ARHGAP42: variants seen among roughly 807,000 people sequenced by gnomAD.
ARHGAP42 encodes the protein Rho GTPase activating protein 42, also known as rho GTPase-activating protein 42.
In ARHGAP42, 63 loss-of-function variants were observed where a neutral mutation model predicts 125.0. That is an observed-to-expected ratio of 0.50 (90% CI 0.41 to 0.62). ARHGAP42 has a LOEUF of 0.62. Ranked by LOEUF, ARHGAP42 falls within the 20% of genes least tolerant of loss-of-function variation. The pLI is 0.00. For synonymous variants in ARHGAP42, 339 were observed against 351.0 expected, an observed-to-expected ratio of 0.97 and a Z score of 0.38; for missense variants, 766 against 1,024.2, an observed-to-expected ratio of 0.75 and a Z score of 3.44.
At chr11:100,898,965 T>C (rs1346970386) in intron 4 of ARHGAP42, among the ~76,000 whole-genome samples, 1 of 152,228 alleles carries the variant, frequency 6.6e-6, no homozygotes, top group Non-Finnish European at 1.5e-5. Flanking sequence ...TCCTGCTTTG[T>C]CTTGTGGGCA....
chr11:100,984,255 T>G (rs1391155918), intron 22 of ARHGAP42, among the ~76,000 whole-genome samples: 1 of 152,120 alleles, frequency 6.6e-6, no homozygotes, highest in Non-Finnish European at 1.5e-5. Context: ...GTCTTACGCA[T>G]TAACATTGTT....
At chr11:100,693,278 G>T (rs1407724239) in intron 1 of ARHGAP42, among the ~76,000 whole-genome samples, 1 of 152,040 alleles carries the variant, frequency 6.6e-6, no homozygotes, top group African/African-American at 2.4e-5. Context: ...AGGTGTGGAG[G>T]TGTAATTACT....
chr11:100,924,615 C>T (rs1026997225), intron 6 of ARHGAP42, among the ~76,000 whole-genome samples: 2 of 151,720 alleles, frequency 1.3e-5, no homozygotes, highest in Non-Finnish European at 2.9e-5. Context: ...TGCAGTGATC[C>T]GAAATCGCGC....
intron 12 of ARHGAP42, among the ~76,000 whole-genome samples, chr11:100,951,387 CTGAA>C (rs2135285501): frequency 1.3e-5 from 2 of 152,162 alleles, no homozygotes; most frequent in East Asian, 3.9e-4. Context: ...TTTGTATGTA[CTGAA>C]TGTTCATTCT....
At chr11:100,725,867 G>A (rs897852289) in intron 1 of ARHGAP42, among the ~76,000 whole-genome samples, 7 of 150,314 alleles carry the variant, frequency 4.7e-5, no homozygotes, top group Admixed American at 4.7e-4. Flanking sequence ...CCCGGGAGGC[G>A]GAGCTTGCAA....
At chr11:100,688,513 T>C (rs1454712190) in intron 1 of ARHGAP42, among the ~76,000 whole-genome samples, 1 of 152,158 alleles carries the variant, frequency 6.6e-6, no homozygotes, top group African/African-American at 2.4e-5. Flanking sequence ...AAGACTGTTA[T>C]AGTCTATAAT....
chr11:100,890,061 C>T (rs1866182622), intron 4 of ARHGAP42, among the ~76,000 whole-genome samples: 1 of 152,150 alleles, frequency 6.6e-6, no homozygotes. Context: ...AAATAAGGCA[C>T]AAAATCTAAG....
intron 3 of ARHGAP42, among the ~76,000 whole-genome samples, chr11:100,821,568 A>G (rs1003556781): frequency 7.9e-5 from 12 of 151,116 alleles, no homozygotes; most frequent in Admixed American, 4.0e-4. Flanking sequence ...TGGGCAAGCT[A>G]TCTTCCTCCT....
At chr11:100,863,851 C>T (rs147002395) in intron 4 of ARHGAP42, among the ~76,000 whole-genome samples, 1 of 152,232 alleles carries the variant, frequency 6.6e-6, no homozygotes, top group Non-Finnish European at 1.5e-5. Flanking sequence ...TTCTAGAATA[C>T]TAGTGGAAAG....
Position 100,792,752 on chromosome 11 carries a change from CT to C in ARHGAP42, c.251-2335del, listed in dbSNP as rs3063409. Among the ~76,000 whole-genome samples, 58 of 141,598 alleles carry C rather than the reference CT, an allele frequency of 4.1e-4. 1 individual carries two copies. The Middle Eastern group carries it at 0.011, about 27-fold the overall frequency. 92.9% of individuals were successfully genotyped at this position (141,598 alleles called of 152,430 possible). ...GAATTAACAATTGACTTGGAATTTTCTTTTTTTTTTTTTTTTTTGAGACCGA... is the reference window on the plus strand; with the variant it reads ...GAATTAACAATTGACTTGGAATTTTCTTTTTTTTTTTTTTTTTGAGACCGA... On this transcript the variant is annotated intron_variant, in intron 2 of 23. Coordinates refer to ENST00000298815, the MANE Select transcript of ARHGAP42 (RefSeq NM_152432.4).
rs1555024757 is a variant in ARHGAP42, at chr11:100,921,214, C to CATAT, written c.487-251_487-248dup. On this transcript the variant is annotated intron_variant, in intron 5 of 23. Transcript: ENST00000298815. ...ATACCCCTCTTGTAATATATATATA[C>CATAT]ATATATATATATATATATATATATA... Among the ~76,000 whole-genome samples, 123 of 36,208 alleles carry CATAT rather than the reference C, an allele frequency of 3.4e-3. 1 individual carries two copies. Among genetic ancestry groups the CATAT allele is most frequent in the Non-Finnish European group, 4.9e-3 (105 of 21,460 alleles). The allele number at this position is 36,208 out of a possible 152,430, so 23.8% of individuals were successfully genotyped here.
intron 1 of ARHGAP42, among the ~76,000 whole-genome samples, chr11:100,698,178 A>G (rs1861319508): frequency 6.6e-6 from 1 of 152,166 alleles, no homozygotes; most frequent in Admixed American, 6.5e-5. Context: ...GGCATGAACC[A>G]CCACACTCAG....
At chr11:100,777,894 A>G (rs945415694) in intron 2 of ARHGAP42, among the ~76,000 whole-genome samples, 5 of 152,216 alleles carry the variant, frequency 3.3e-5, no homozygotes, top group Admixed American at 3.3e-4. Flanking sequence ...TACAAAAGGT[A>G]GAACTGGGCG....
At chr11:100,743,184 G>A (rs1862224677) in intron 1 of ARHGAP42, among the ~76,000 whole-genome samples, 2 of 152,140 alleles carry the variant, frequency 1.3e-5, no homozygotes, top group African/African-American at 4.8e-5. Flanking sequence ...GCTTTCAAGA[G>A]GTTCTATTCT....
At chr11:100,690,388 A>G (rs1316686326) in intron 1 of ARHGAP42, among the ~76,000 whole-genome samples, 2 of 151,836 alleles carry the variant, frequency 1.3e-5, no homozygotes, top group African/African-American at 4.8e-5. Context: ...TTTGACTTGC[A>G]CTCTCTTAGG....
chr11:100,705,019 A>AC (rs1565535100), intron 1 of ARHGAP42, among the ~76,000 whole-genome samples: 7 of 88,572 alleles, frequency 7.9e-5, no homozygotes, highest in Admixed American at 1.1e-4. Flanking sequence ...ACAACAAAAA[A>AC]AAAAAAAAAA....
At chr11:100,811,517 T>C (rs1438654735) in intron 3 of ARHGAP42, among the ~76,000 whole-genome samples, 31 of 151,568 alleles carry the variant, frequency 2.0e-4, no homozygotes, top group East Asian at 9.7e-4. Flanking sequence ...TTTTTTTTTT[T>C]CTTTGGAGAT....
chr11:100,949,411 T>G (rs952583434), intron 11 of ARHGAP42, among the ~76,000 whole-genome samples: 1 of 152,138 alleles, frequency 6.6e-6, no homozygotes, highest in African/African-American at 2.4e-5. Context: ...TATTTCAATT[T>G]TATTATATTT....
At chr11:100,766,223 G>T (rs1009491873) in intron 1 of ARHGAP42, among the ~76,000 whole-genome samples, 13 of 59,194 alleles carry the variant, frequency 2.2e-4, no homozygotes, top group African/African-American at 7.6e-4. Context: ...AGGATGTGGG[G>T]TGTGTGTGTG....
Sources: allele counts gnomAD v4.1 joint callset (sites outside exome capture counted in the v4.1 genomes callset), GRCh38; gene constraint gnomAD v4.1.1; transcripts MANE v1.5; gene names NCBI Gene and HGNC (gene_info 2026-07-23, HGNC 2026-07-21).